Variants in DLG2 observed in about 807,000 individuals in gnomAD.
DLG2 encodes the protein discs large MAGUK scaffold protein 2.
DLG2 carries 45 observed loss-of-function variants against 132.5 expected under a neutral mutation model. The ratio of observed to expected loss-of-function variants is 0.34; its 90% CI spans 0.27 to 0.44. The LOEUF (loss-of-function observed/expected upper bound fraction) is 0.44. DLG2 is among the 20% of genes least tolerant of loss of function. DLG2 has a pLI of 1.00. For synonymous variants in DLG2, 424 were observed against 419.6 expected (o/e 1.01, Z -0.13); for missense variants, 1,045 against 1,196.9 (o/e 0.87, Z 1.87).
rs376089542 is a variant in DLG2, at chr11:83,991,249, T to G, written c.920-10607A>C. Among the ~76,000 whole-genome samples the G allele has an allele frequency of 5.9e-5, 9 of 152,184 alleles. No homozygotes were observed. The East Asian group carries it at 7.7e-4, about 13-fold the overall frequency. On this transcript the variant is annotated intron_variant, in intron 11 of 27. Transcript: ENST00000376104. ...TGAAAGAAGTGATTCTGCTTAAAAT[T>G]TCTAAGGCACTGACAAAGCATCTTC... is the stretch of plus-strand genomic sequence containing the variant.
At chr11:84,126,571 C>T (rs568907585) in intron 9 of DLG2, among the ~76,000 whole-genome samples, 6 of 151,772 alleles carry the variant, frequency 4.0e-5, no homozygotes, top group Non-Finnish European at 5.9e-5. Context: ...TGTAAACATG[C>T]CAACTAAAAA....
chr11:85,532,778 TA>T (rs1325443451), intron 3 of DLG2, among the ~76,000 whole-genome samples: 1 of 152,320 alleles, frequency 6.6e-6, no homozygotes, highest in East Asian at 1.9e-4. Flanking sequence ...AGGCTCTGAG[TA>T]GATAACTAAC....
chr11:85,322,176 C>T (rs1366710378), intron 3 of DLG2, among the ~76,000 whole-genome samples: 1 of 152,090 alleles, frequency 6.6e-6, no homozygotes, highest in Non-Finnish European at 1.5e-5. Context: ...CTCATCTGTA[C>T]TTTGACTCCA....
intron 7 of DLG2, among the ~76,000 whole-genome samples, chr11:84,498,506 C>A (rs1364851281): frequency 1.3e-5 from 2 of 152,068 alleles, no homozygotes; most frequent in Non-Finnish European, 2.9e-5. Context: ...GCCACAGATA[C>A]AAATATCATC....
At chr11:83,490,263 G>C (rs1323968867) in intron 21 of DLG2, among the ~76,000 whole-genome samples, 1 of 151,750 alleles carries the variant, frequency 6.6e-6, no homozygotes, top group Non-Finnish European at 1.5e-5. Context: ...CATATGAAAA[G>C]ACACAAACAA....
At chr11:85,285,960 G>T in intron 3 of DLG2, 1 of 333,728 alleles carries the variant, frequency 3.0e-6, no homozygotes. Context: ...CCTTAACGTA[G>T]GCAAATTAAA....
chr11:84,986,156 T>C (rs2056463740), intron 6 of DLG2, among the ~76,000 whole-genome samples: 1 of 152,024 alleles, frequency 6.6e-6, no homozygotes, highest in East Asian at 1.9e-4. Flanking sequence ...CAAAAGATCA[T>C]TCAAGGCCCC....
At chr11:84,914,438 GA>G (rs559047205) in intron 6 of DLG2, among the ~76,000 whole-genome samples, 3 of 152,212 alleles carry the variant, frequency 2.0e-5, no homozygotes, top group Non-Finnish European at 2.9e-5. Flanking sequence ...ACTAAGTGCA[GA>G]TATTAGCAAA....
chr11:84,798,804 C>T (rs73514929), intron 6 of DLG2, among the ~76,000 whole-genome samples: 2,248 of 152,268 alleles, frequency 0.015, 59 homozygotes, highest in African/African-American at 0.051. Context: ...ACTGCCAGGA[C>T]TACATCCTTC....
chr11:85,167,813 A>T (rs370552205), intron 4 of DLG2, among the ~76,000 whole-genome samples: 9 of 152,276 alleles, frequency 5.9e-5, no homozygotes, highest in African/African-American at 2.2e-4. Context: ...GGTCTTAGCC[A>T]TGGACCTAGC....
At chr11:84,730,876 C>T (rs1410940873) in intron 6 of DLG2, among the ~76,000 whole-genome samples, 3 of 151,996 alleles carry the variant, frequency 2.0e-5, no homozygotes, top group Non-Finnish European at 2.9e-5. Context: ...ACTGTGAAGA[C>T]ATCAGATTTC....
At chr11:85,360,700 T>C (rs549452628) in intron 3 of DLG2, among the ~76,000 whole-genome samples, 15 of 152,286 alleles carry the variant, frequency 9.8e-5, no homozygotes, top group African/African-American at 3.4e-4. Context: ...CTTCAAACTT[T>C]GCTCACACTT....
intron 6 of DLG2, among the ~76,000 whole-genome samples, chr11:84,632,131 C>T (rs1012885284): frequency 1.3e-5 from 2 of 152,118 alleles, no homozygotes; most frequent in Non-Finnish European, 2.9e-5. Context: ...ACCAAACTGC[C>T]AAATGGAAGT....
At chr11:85,315,869 T>C (rs545629894) in intron 3 of DLG2, among the ~76,000 whole-genome samples, 1 of 151,824 alleles carries the variant, frequency 6.6e-6, no homozygotes, top group Non-Finnish European at 1.5e-5. Flanking sequence ...CAGTTTCAGA[T>C]CTGGAAAAAT....
chr11:85,537,785 A>G (rs1383285959), intron 3 of DLG2, among the ~76,000 whole-genome samples: 5 of 151,978 alleles, frequency 3.3e-5, no homozygotes, highest in Admixed American at 2.0e-4. Context: ...ACATCTGAAC[A>G]TCTGAAGGAA....
intron 9 of DLG2, among the ~76,000 whole-genome samples, chr11:84,124,697 T>C (rs2094085045): frequency 6.6e-6 from 1 of 152,208 alleles, no homozygotes. Context: ...CTTTGATTAT[T>C]TGATCTCTCA....
intron 6 of DLG2, among the ~76,000 whole-genome samples, chr11:84,987,760 A>C (rs1254070345): frequency 6.6e-6 from 1 of 152,184 alleles, no homozygotes; most frequent in African/African-American, 2.4e-5. Flanking sequence ...CCTTATAGAA[A>C]AATCAACTCA....
intron 6 of DLG2, among the ~76,000 whole-genome samples, chr11:84,588,865 T>C (rs1283516315): frequency 6.6e-6 from 1 of 152,116 alleles, no homozygotes; most frequent in Non-Finnish European, 1.5e-5. Flanking sequence ...TTTATTCCTC[T>C]ACTTTCTTAA....
chr11:85,487,955 C>G (rs998528292), intron 3 of DLG2, among the ~76,000 whole-genome samples: 1 of 152,174 alleles, frequency 6.6e-6, no homozygotes, highest in African/African-American at 2.4e-5. Context: ...GGGAGGGACC[C>G]AGTGGGAGAT....
Sources: gnomAD v4.1 joint callset for allele counts (sites outside exome capture counted in the v4.1 genomes callset) on GRCh38, gnomAD v4.1.1 for gene constraint, MANE v1.5 for transcripts, NCBI Gene and HGNC (gene_info 2026-07-23, HGNC 2026-07-21) for gene names.